Variants in MERTK observed in about 807,000 individuals in gnomAD.
The protein encoded by MERTK is tyrosine-protein kinase Mer.
A neutral mutation model predicts 99.3 loss-of-function variants in MERTK; 69 were observed. The observed-to-expected ratio is 0.70, with a 90% CI of 0.57 to 0.85. MERTK has a LOEUF of 0.85. Ranked by LOEUF, MERTK falls within the 40% of genes least tolerant of loss-of-function variation. The pLI is 0.00. For synonymous variants in MERTK, 426 were observed against 467.6 expected, an observed-to-expected ratio of 0.91 and a Z score of 1.15; for missense variants, 1,125 against 1,249.4, an observed-to-expected ratio of 0.90 and a Z score of 1.50.
chr2:111,961,296 G>C (rs1281092199), intron 4 of MERTK, among the ~76,000 whole-genome samples: 1 of 150,826 alleles, frequency 6.6e-6, no homozygotes, highest in Non-Finnish European at 1.5e-5. Flanking sequence ...GAGTAGCTGG[G>C]ACTACAGGCG....
At chr2:111,926,504 G>A (rs1161863950) in intron 1 of MERTK, among the ~76,000 whole-genome samples, 1 of 152,020 alleles carries the variant, frequency 6.6e-6, no homozygotes, top group African/African-American at 2.4e-5. Flanking sequence ...CGAGGCAGGT[G>A]GATCACAAGG....
At chr2:111,999,006 A>AT (rs1165295335) in intron 10 of MERTK, among the ~76,000 whole-genome samples, 1 of 152,158 alleles carries the variant, frequency 6.6e-6, no homozygotes, top group Non-Finnish European at 1.5e-5. Flanking sequence ...GTAACATTAT[A>AT]TTTTTTTAAA....
At chr2:111,919,799 CTTT>C (rs5833425) in intron 1 of MERTK, among the ~76,000 whole-genome samples, 11 of 130,398 alleles carry the variant, frequency 8.4e-5, no homozygotes, top group East Asian at 2.2e-4. Context: ...TTTTTCTTTT[CTTT>C]TTTTTTTTTT....
At chr2:111,930,067 CAG>C (rs1684642768) in intron 2 of MERTK, 1 of 153,166 alleles carries the variant, frequency 6.5e-6, no homozygotes, top group Non-Finnish European at 1.5e-5. Flanking sequence ...AACAGATACT[CAG>C]GGGCTGGGCC....
chr2:111,922,313 T>C (rs1026244727), intron 1 of MERTK, among the ~76,000 whole-genome samples: 5 of 152,114 alleles, frequency 3.3e-5, no homozygotes, highest in African/African-American at 4.8e-5. Context: ...TGGGCTGTGA[T>C]CACCAAGCTT....
chr2:111,916,753 TA>T (rs1440580397), intron 1 of MERTK, among the ~76,000 whole-genome samples: 2 of 152,196 alleles, frequency 1.3e-5, no homozygotes, highest in Admixed American at 6.6e-5. Context: ...TTTATTTATT[TA>T]TTTTTTTGGC....
chr2:112,001,102 C>A, intron 10 of MERTK, 99 bp from the exon 11 acceptor site: 1 of 865,514 alleles, frequency 1.2e-6, no homozygotes, highest in South Asian at 1.3e-5. Context: ...GTAGAAGAGC[C>A]CATTGAAAAG....
chr2:111,975,229 C>T (rs904878447), intron 6 of MERTK, 60 bp from the exon 7 acceptor site: 48 of 1,545,336 alleles, frequency 3.1e-5, no homozygotes, highest in Admixed American at 6.7e-5. Flanking sequence ...ACACAGGCCC[C>T]GTGCCTGACA....
chr2:111,975,918 T>C lies in MERTK; in HGVS notation c.1144+446T>C, dbSNP rs1242841315. ...TGGAGATAGCTTCAGATCCCATAGG[T>C]TGAGGACTCAATCCCCAGGCCTCCC... On this transcript the variant is annotated intron_variant, in intron 7 of 18. Coordinates refer to ENST00000295408, the MANE Select transcript of MERTK (RefSeq NM_006343.3). Among the ~76,000 whole-genome samples, 3 of 152,176 alleles carry C rather than the reference T, an allele frequency of 2.0e-5. No homozygotes were observed. In the East Asian group the frequency reaches 5.8e-4, roughly 29 times the overall value.
rs780578672 is a variant in MERTK at position 111,968,230 on chromosome 2, C to T, written c.938C>T (p.Pro313Leu). ...SWVPGFDGYS[P>L]FRNCSIQVKE... ...GTTCCTGGTTTTGATGGATACTCCC[C>T]GTTCAGGAATTGCAGCATTCAGGTA... Residue 313 changes from proline to leucine, a missense_variant, in exon 6 of 19, where the codon CCG becomes CTG. Physicochemically the swap from Pro to Leu is moderately conservative, Grantham distance 98. Transcript: ENST00000295408. 8.1e-6 allele frequency: 13 copies of T among 1,613,474 alleles called. No individual in the cohort carries two copies. Among genetic ancestry groups the T allele is most frequent in the Admixed American group, 5.0e-5 (3 of 59,972 alleles).
At chr2:112,026,247 A>C (rs1211306601) in intron 18 of MERTK, 1 of 153,484 alleles carries the variant, frequency 6.5e-6, no homozygotes, top group Non-Finnish European at 1.5e-5. Flanking sequence ...ATATTTTTAT[A>C]CATTTGATAA....
At chr2:111,940,419 C>T in intron 2 of MERTK, 1 of 540,390 alleles carries the variant, frequency 1.9e-6, no homozygotes, top group Non-Finnish European at 3.8e-6. Context: ...CTGTATACAG[C>T]AGTCACAGAA....
intron 10 of MERTK, among the ~76,000 whole-genome samples, chr2:111,998,756 A>G (rs1676803552): frequency 6.6e-6 from 1 of 152,226 alleles, no homozygotes; most frequent in Non-Finnish European, 1.5e-5. Context: ...TGCTGAGTAC[A>G]GCAAATATAT....
At chr2:111,903,019 T>G (rs1684074294) in intron 1 of MERTK, among the ~76,000 whole-genome samples, 1 of 152,208 alleles carries the variant, frequency 6.6e-6, no homozygotes, top group African/African-American at 2.4e-5. Context: ...CCTCAGGTGA[T>G]CCGCCTACCT....
intron 6 of MERTK, 110 bp downstream of exon 6, chr2:111,968,362 A>G (rs2104725611): frequency 1.2e-6 from 1 of 849,696 alleles, no homozygotes; most frequent in East Asian, 2.6e-5. Flanking sequence ...ATCTCTGTAC[A>G]GAGTCCCCTG....
At chr2:111,963,347 G>A (rs553915500) in intron 4 of MERTK, among the ~76,000 whole-genome samples, 22 of 152,304 alleles carry the variant, frequency 1.4e-4, no homozygotes, top group African/African-American at 5.3e-4. Context: ...CTGCCAAGAG[G>A]CGTTCCTTCC....
At chr2:111,928,669 A>ATGTT (rs1684612148) in intron 1 of MERTK, among the ~76,000 whole-genome samples, 4 of 152,186 alleles carry the variant, frequency 2.6e-5, no homozygotes, top group Admixed American at 1.3e-4. Context: ...TATTTTTAGT[A>ATGTT]GAGACAGGTT....
At chr2:111,925,631 T>C (rs903657759) in intron 1 of MERTK, among the ~76,000 whole-genome samples, 2 of 151,472 alleles carry the variant, frequency 1.3e-5, no homozygotes, top group African/African-American at 4.9e-5. Context: ...TCTAGAGTGT[T>C]GAGTGATTTC....
chr2:111,955,320 G>T (rs890737671), intron 4 of MERTK, among the ~76,000 whole-genome samples: 16 of 152,166 alleles, frequency 1.1e-4, no homozygotes, highest in African/African-American at 3.9e-4. Context: ...TATTCTGAGT[G>T]AACAAAGCCA....
Sources: allele counts gnomAD v4.1 joint callset (sites outside exome capture counted in the v4.1 genomes callset), GRCh38; gene constraint gnomAD v4.1.1; transcripts MANE v1.5; gene names NCBI Gene and HGNC (gene_info 2026-07-23, HGNC 2026-07-21).